The following CLUAP1 variants were observed in gnomAD, a reference collection of about 807,000 sequenced individuals.
CLUAP1 encodes intraflagellar transport 38.
In CLUAP1, 50 loss-of-function variants were observed where a neutral mutation model predicts 55.0. The ratio of observed to expected loss-of-function variants is 0.91; its 90% CI spans 0.72 to 1.15. CLUAP1 has a LOEUF of 1.15. CLUAP1 is among the 50% of genes most tolerant of loss of function. CLUAP1 has a pLI of 0.00. For synonymous variants in CLUAP1, 195 were observed against 175.4 expected, an observed-to-expected ratio of 1.11 and a Z score of -0.88; for missense variants, 530 against 507.6, an observed-to-expected ratio of 1.04 and a Z score of -0.42.
At chr16:3,533,268 C>G (rs1369918591) in intron 11 of CLUAP1, 3 of 817,516 alleles carry the variant, frequency 3.7e-6, no homozygotes, top group Non-Finnish European at 6.0e-6. Flanking sequence ...AAAAAGGCCA[C>G]TCAAAAGAGA....
In CLUAP1 at chr16:3,536,130, G is replaced by A. The variant is rs772030928; in HGVS notation, c.1101G>A (p.Ser367=). 75 of 1,614,018 alleles carry A rather than the reference G, an allele frequency of 4.6e-5. No individual in the cohort carries two copies. The highest frequency in any genetic ancestry group is 6.6e-5 in the South Asian group (6 of 91,076). ...CCATTTTTTTCCTATAGGAGGACTCGGAGGAGAGTGAAATTGACATGGAAG... is the reference window on the plus strand; with the variant it reads ...CCATTTTTTTCCTATAGGAGGACTCAGAGGAGAGTGAAATTGACATGGAAG... ...QGGDSDDNED[S]EESEIDMEDD... The change falls in exon 12 of 12, where the codon TCG becomes TCA. Residue 367 remains serine (S), a synonymous_variant. Coordinates refer to ENST00000576634, the MANE Select transcript of CLUAP1 (RefSeq NM_015041.3).
At chr16:3,506,073 A>G (rs767693041) in intron 2 of CLUAP1, among the ~76,000 whole-genome samples, 2 of 152,256 alleles carry the variant, frequency 1.3e-5, no homozygotes, top group African/African-American at 2.4e-5. Context: ...TAGCTTCATG[A>G]CATGGTGAGA....
At chr16:3,500,366 AT>A (rs35022426), upstream of CLUAP1, among the ~76,000 whole-genome samples, 23,066 of 115,520 alleles carry the variant, frequency 0.2, 1,343 homozygotes, top group East Asian at 0.31. Flanking sequence ...AGTATAGTGC[AT>A]TTTTTTTTTT....
intron 5 of CLUAP1, among the ~76,000 whole-genome samples, chr16:3,514,433 A>T (rs1007365250): frequency 2.6e-5 from 4 of 152,206 alleles, no homozygotes; most frequent in Non-Finnish European, 5.9e-5. Context: ...CAGGCAAGGC[A>T]CTGAGCTCTG....
rs1487092337 is a variant in CLUAP1, at chr16:3,537,793, G to C, written c.*1522G>C. ...GTGGGTAGATCACCTGAGGTCAGGGGTTTGAGACCAGCCTGGCCAACATGG... is the reference window on the plus strand; with the variant it reads ...GTGGGTAGATCACCTGAGGTCAGGGCTTTGAGACCAGCCTGGCCAACATGG... On this transcript the variant is annotated 3_prime_UTR_variant, in exon 12 of 12. Coordinates refer to ENST00000576634, the MANE Select transcript of CLUAP1 (RefSeq NM_015041.3). 1 of 152,088 alleles carries C rather than the reference G, an allele frequency of 6.6e-6. No homozygotes were observed. Among genetic ancestry groups the C allele is most frequent in the Non-Finnish European group, 1.5e-5 (1 of 68,070 alleles). The allele number at this position is 152,088 out of a possible 1,614,324, so 9.4% of individuals were successfully genotyped here.
intron 5 of CLUAP1, 30 bp downstream of exon 5, chr16:3,512,508 C>G (rs75116753): frequency 2.7e-6 from 4 of 1,507,610 alleles, no homozygotes; most frequent in South Asian, 2.3e-5. Context: ...CTTAACCATG[C>G]AGATTTTCTC....
chr16:3,533,862 G>A (rs1346810016), intron 11 of CLUAP1: 1 of 152,364 alleles, frequency 6.6e-6, no homozygotes, highest in Non-Finnish European at 1.5e-5. Flanking sequence ...AGAAGCAGAG[G>A]GAGTGTGGCG....
chr16:3,503,733 G>A (rs1024152459), intron 1 of CLUAP1, among the ~76,000 whole-genome samples: 2 of 152,184 alleles, frequency 1.3e-5, no homozygotes, highest in Non-Finnish European at 2.9e-5. Context: ...TGAGACCACA[G>A]GCATGCACCA....
intron 9 of CLUAP1, among the ~76,000 whole-genome samples, chr16:3,529,526 A>G (rs1596402907): frequency 3.3e-5 from 2 of 61,442 alleles, no homozygotes; most frequent in African/African-American, 7.9e-5. Flanking sequence ...ATTATATATT[A>G]TTATATGTTA....
intron 2 of CLUAP1, among the ~76,000 whole-genome samples, chr16:3,505,725 T>A (rs982161209): frequency 1.3e-5 from 2 of 152,190 alleles, no homozygotes; most frequent in African/African-American, 2.4e-5. Flanking sequence ...ATCAGTACAC[T>A]GGATTAGAAA....
At chr16:3,516,721 A>G (rs2037736092) in intron 6 of CLUAP1, among the ~76,000 whole-genome samples, 1 of 152,236 alleles carries the variant, frequency 6.6e-6, no homozygotes, top group Non-Finnish European at 1.5e-5. Flanking sequence ...TTATTTATAT[A>G]CATACACGTA....
intron 8 of CLUAP1, among the ~76,000 whole-genome samples, chr16:3,525,199 T>G (rs1482811072): frequency 6.6e-6 from 1 of 152,134 alleles, no homozygotes; most frequent in East Asian, 1.9e-4. Context: ...GCTTGGAGTT[T>G]AGAACATTTT....
chr16:3,532,943 T>C (rs1468240302), intron 11 of CLUAP1, 102 bp downstream of exon 11: 2 of 1,464,698 alleles, frequency 1.4e-6, no homozygotes, highest in East Asian at 2.3e-5. Flanking sequence ...GAGCCGTCTA[T>C]GGTCAGCCCG....
At chr16:3,520,124 G>C in intron 7 of CLUAP1, 88 bp downstream of exon 7, 1 of 1,344,294 alleles carries the variant, frequency 7.4e-7, no homozygotes, top group Non-Finnish European at 1.0e-6. Context: ...TGAAATCTCA[G>C]CTACTCATGA....
chr16:3,500,781 C>T, upstream of CLUAP1: 3 of 506,918 alleles, frequency 5.9e-6, no homozygotes, highest in South Asian at 2.4e-5. Context: ...CAGCGCGAAA[C>T]GTCCGCAAAG....
chr16:3,536,340 T>G lies in CLUAP1; in HGVS notation c.*69T>G. On this transcript the variant is annotated 3_prime_UTR_variant, in exon 12 of 12. Transcript: ENST00000576634. ...GTAGGTAAATGGGAACTTAGAAGGTTAGGAAGGTAACCCCTGTTTTGTTTA... is the reference window on the plus strand; with the variant it reads ...GTAGGTAAATGGGAACTTAGAAGGTGAGGAAGGTAACCCCTGTTTTGTTTA... The G allele has an allele frequency of 6.5e-7, 1 of 1,547,366 alleles. No individual in the cohort carries two copies. The highest frequency in any genetic ancestry group is 1.9e-5 in the Admixed American group (1 of 53,328).
intron 11 of CLUAP1, chr16:3,534,430 C>T (rs1436358724): frequency 6.5e-6 from 1 of 152,916 alleles, no homozygotes; most frequent in African/African-American, 2.4e-5. Context: ...CAGCAGGGGC[C>T]ATGCAGAGCT....
chr16:3,520,217 T>A (rs189787538), intron 7 of CLUAP1, among the ~76,000 whole-genome samples, 181 bp downstream of exon 7: 52 of 151,888 alleles, frequency 3.4e-4, no homozygotes, highest in Admixed American at 2.8e-3. Context: ...TAAAAATTTT[T>A]AAAAATTACC....
At chr16:3,529,684 T>A (rs57683328) in intron 9 of CLUAP1, among the ~76,000 whole-genome samples, 852 of 6,880 alleles carry the variant, frequency 0.12, 109 homozygotes, top group African/African-American at 0.41. Context: ...ATATTATATA[T>A]TATTATATAT....
Sources: gnomAD v4.1 joint callset for allele counts (sites outside exome capture counted in the v4.1 genomes callset) on GRCh38, gnomAD v4.1.1 for gene constraint, MANE v1.5 for transcripts, NCBI Gene and HGNC (gene_info 2026-07-23, HGNC 2026-07-21) for gene names.